Variants in SCIN observed in about 807,000 individuals in gnomAD.
SCIN encodes the protein scinderin.
A neutral mutation model predicts 91.8 loss-of-function variants in SCIN; 91 were observed. The ratio of observed to expected loss-of-function variants is 0.99; its 90% CI spans 0.84 to 1.18. SCIN has a LOEUF of 1.18. Ranked by LOEUF, SCIN falls within the 50% of genes most tolerant of loss-of-function variation. SCIN has a pLI of 0.00. For synonymous variants in SCIN, 367 were observed against 312.6 expected (o/e 1.17, Z -1.84); for missense variants, 1,087 against 863.9 (o/e 1.26, Z -3.24).
rs1471371389 is a variant in SCIN, at chr7:12,653,718, G to A, written c.*1003G>A. On this transcript the variant is annotated 3_prime_UTR_variant, in exon 16 of 16. Coordinates refer to ENST00000297029, the MANE Select transcript of SCIN (RefSeq NM_001112706.3). This position sits in a 1 kb window ranked among gnomAD's most constrained non-coding sequence, Gnocchi z 4.1. ...GACAATGCACAGGGGAGTATCCCAG[G>A]GAGCAGAGCCAAGTTCAAGTAAGTT... 27 of 152,150 alleles carry A rather than the reference G, an allele frequency of 1.8e-4. No homozygotes were observed. Among genetic ancestry groups the A allele is most frequent in the Non-Finnish European group, 1.5e-5 (1 of 68,032 alleles). 9.4% of individuals were successfully genotyped at this position (152,150 alleles called of 1,614,324 possible).
rs889124251 is a variant in SCIN, at chr7:12,656,981, T to C, written c.*4266T>C. On this transcript the variant is annotated 3_prime_UTR_variant, in exon 16 of 16. Coordinates refer to ENST00000297029, the MANE Select transcript of SCIN (RefSeq NM_001112706.3). The stretch of plus-strand genomic sequence containing the variant: ...ACTTTAATATTCATTAGGAAATGAC[T>C]AAAATCAAATATTTTACTTGGTAAT... 2 of 151,510 alleles carry C rather than the reference T, an allele frequency of 1.3e-5. No homozygotes were observed. The highest frequency in any genetic ancestry group is 2.9e-5 in the Non-Finnish European group (2 of 67,890). 9.4% of individuals were successfully genotyped at this position (151,510 alleles called of 1,614,324 possible).
chr7:12,593,148 G>T (rs1417329721), intron 3 of SCIN, among the ~76,000 whole-genome samples: 1 of 152,198 alleles, frequency 6.6e-6, no homozygotes, highest in African/African-American at 2.4e-5. Flanking sequence ...GTGGGGACAT[G>T]GCCCCGTCCA....
At chr7:12,652,037 T>C in intron 15 of SCIN, 136 bp downstream of exon 15, 1 of 595,446 alleles carries the variant, frequency 1.7e-6, no homozygotes, top group Admixed American at 3.3e-5. Flanking sequence ...TCCTCAAAAC[T>C]AAAGAGTAAT....
intron 4 of SCIN, among the ~76,000 whole-genome samples, chr7:12,621,348 A>G (rs1783403261): frequency 6.6e-6 from 1 of 152,112 alleles, no homozygotes; most frequent in South Asian, 2.1e-4. Flanking sequence ...TCAATTCCCA[A>G]CTATGCTGCA....
chr7:12,597,600 C>T (rs1782870228), intron 3 of SCIN, among the ~76,000 whole-genome samples: 2 of 152,160 alleles, frequency 1.3e-5, no homozygotes, highest in African/African-American at 4.8e-5. Context: ...TCTGGCTGCA[C>T]TTATTAACTC....
At chr7:12,600,003 C>A (rs1458240080) in intron 3 of SCIN, among the ~76,000 whole-genome samples, 1 of 152,100 alleles carries the variant, frequency 6.6e-6, no homozygotes, top group African/African-American at 2.4e-5. Context: ...TGTGAAGAAG[C>A]TTTTTAGTTT....
chr7:12,575,675 C>T (rs977201881), intron 1 of SCIN, among the ~76,000 whole-genome samples: 1 of 152,050 alleles, frequency 6.6e-6, no homozygotes, highest in African/African-American at 2.4e-5. Flanking sequence ...TATAAAATAA[C>T]ACGGCACAGC....
intron 4 of SCIN, among the ~76,000 whole-genome samples, chr7:12,622,191 A>C (rs1783423348): frequency 6.6e-6 from 1 of 152,086 alleles, no homozygotes. Flanking sequence ...TTTGGATTGC[A>C]TCACATATGC....
At chr7:12,604,405 T>C in intron 3 of SCIN, 109 bp from the exon 4 acceptor site, 1 of 929,528 alleles carries the variant, frequency 1.1e-6, no homozygotes, top group South Asian at 1.7e-5. Context: ...ACCTCAACAA[T>C]AGGTCATTTA....
intron 2 of SCIN, 55 bp from the exon 3 acceptor site, chr7:12,581,005 C>T: frequency 6.6e-7 from 1 of 1,519,422 alleles, no homozygotes; most frequent in Non-Finnish European, 8.9e-7. Context: ...TCTAGGCAGA[C>T]ACCTCATCAG....
At chr7:12,618,485 C>T (rs1344982777) in intron 4 of SCIN, among the ~76,000 whole-genome samples, 1 of 152,052 alleles carries the variant, frequency 6.6e-6, no homozygotes, top group Non-Finnish European at 1.5e-5. Flanking sequence ...CTCTATTTTA[C>T]TTATGAATAA....
chr7:12,618,215 CT>C (rs1296714062), intron 4 of SCIN, among the ~76,000 whole-genome samples: 1 of 152,094 alleles, frequency 6.6e-6, no homozygotes, highest in Non-Finnish European at 1.5e-5. Flanking sequence ...TAAAATTCAG[CT>C]ACTCAGTCAC....
At position 12,631,719 on chromosome 7, in the gene SCIN, C is replaced by CACCCT. The variant is rs139494969; in HGVS notation, c.1319+2498_1319+2502dup. ...TGTGATCTCTTGACTTTGGACTTCTCACCCTCCATAACTGTAAAAATAAGT... is the reference window on the plus strand; with the variant it reads ...TGTGATCTCTTGACTTTGGACTTCTCACCCTACCCTCCATAACTGTAAAAATAAGT... On this transcript the variant is annotated intron_variant, in intron 9 of 15. Transcript: ENST00000297029. 9.5e-3 allele frequency among the ~76,000 whole-genome samples: 1,442 copies of CACCCT among 152,318 alleles called. 7 individuals are homozygous for CACCCT. Among genetic ancestry groups the CACCCT allele is most frequent in the Non-Finnish European group, 0.014 (973 of 68,036 alleles).
chr7:12,575,241 T>C (rs1297721469), intron 1 of SCIN, among the ~76,000 whole-genome samples: 3 of 148,766 alleles, frequency 2.0e-5, no homozygotes, highest in African/African-American at 7.3e-5. Flanking sequence ...AGAGTTTTCT[T>C]TTTTTTTTTT....
rs1562589846 is a variant in SCIN at position 12,571,020 on chromosome 7, C to CA, written c.199+37dup. 7 of 1,532,964 alleles carry CA rather than the reference C, an allele frequency of 4.6e-6. No homozygotes were observed. The South Asian group carries it at 8.6e-5, about 19-fold the overall frequency. 95.0% of individuals were successfully genotyped at this position (1,532,964 alleles called of 1,614,324 possible). A position where few individuals can be genotyped will look rare whatever the true frequency, so the allele number is the denominator to read the frequency against. ...GGCGGGCGGCGGGACCCCGACGCAC[C>CA]AAGGCCGGCGAGGGGAGGGCGTAGG... On this transcript the variant is annotated intron_variant, in intron 1 of 15. Coordinates refer to ENST00000297029, the MANE Select transcript of SCIN (RefSeq NM_001112706.3).
intron 4 of SCIN, among the ~76,000 whole-genome samples, chr7:12,613,332 T>C (rs1783235684): frequency 6.6e-6 from 1 of 152,196 alleles, no homozygotes; most frequent in Admixed American, 6.6e-5. Context: ...CATGATTTCT[T>C]GCATTCATTT....
At chr7:12,594,073 T>C (rs892217329) in intron 3 of SCIN, among the ~76,000 whole-genome samples, 5 of 152,176 alleles carry the variant, frequency 3.3e-5, no homozygotes, top group Non-Finnish European at 7.3e-5. Context: ...CAACTCCCGC[T>C]ACTTCCCGGA....
chr7:12,601,101 T>G (rs1562607600), intron 3 of SCIN, among the ~76,000 whole-genome samples: 1 of 152,206 alleles, frequency 6.6e-6, no homozygotes. Flanking sequence ...AGAAGGAGAT[T>G]GCTAGACGTA....
In SCIN at chr7:12,604,628, G is replaced by A. The variant is rs78038322; in HGVS notation, c.631G>A (p.Val211Met). 2,490 of 1,552,132 alleles carry A rather than the reference G, an allele frequency of 1.6e-3. 26 individuals are homozygous for A. The East Asian group carries it at 0.023, about 14-fold the overall frequency. ...GAAAGGAAGGTCTGAACTAATTGTCGTGGAAGAAGGAAGTGAACCCTCAGA... is the reference window on the plus strand; with the variant it reads ...GAAAGGAAGGTCTGAACTAATTGTCATGGAAGAAGGAAGTGAACCCTCAGA... ...ERKGRSELIV[V>M]EEGSEPSELI... is the part of the protein sequence containing the mutation. Residue 211 changes from valine to methionine, a missense_variant, in exon 4 of 16, where the codon GTG becomes ATG. Physicochemically the swap from Val to Met is conservative, Grantham distance 21. Transcript: ENST00000297029.
Sources: allele counts gnomAD v4.1 joint callset (sites outside exome capture counted in the v4.1 genomes callset), GRCh38; gene constraint gnomAD v4.1.1; non-coding constraint Gnocchi (gnomAD v3.1); transcripts MANE v1.5; gene names NCBI Gene and HGNC (gene_info 2026-07-23, HGNC 2026-07-21).